The following DLGAP2 variants were observed in gnomAD, a reference collection of about 807,000 sequenced individuals.
DLGAP2 encodes DLG associated protein 2, also known as disks large-associated protein 2.
A neutral mutation model predicts 100.3 loss-of-function variants in DLGAP2; 26 were observed. The observed-to-expected ratio is 0.26, with a 90% confidence interval of 0.19 to 0.36. The LOEUF is 0.36. Among genes scored for constraint, DLGAP2 ranks in the 10% least tolerant of loss-of-function variants. DLGAP2 has a pLI of 1.00. For missense variants in DLGAP2, 1,858 were observed against 1,453.2 expected (o/e 1.28, Z -4.53); for synonymous variants, 886 against 630.1 (o/e 1.41, Z -6.08).
At chr8:1,113,842 A>G (rs1805034957) in intron 2 of DLGAP2, among the ~76,000 whole-genome samples, 1 of 152,176 alleles carries the variant, frequency 6.6e-6, no homozygotes, top group Admixed American at 6.5e-5. Flanking sequence ...GATGTCATAG[A>G]TGGCTCTTAA....
At chr8:1,384,117 A>G (rs755773919) in intron 3 of DLGAP2, among the ~76,000 whole-genome samples, 21 of 152,240 alleles carry the variant, frequency 1.4e-4, no homozygotes, top group Non-Finnish European at 2.5e-4. Context: ...TTAGGTCAGA[A>G]TTCATTAGGT....
intron 6 of DLGAP2, among the ~76,000 whole-genome samples, chr8:1,603,765 T>A (rs1337513140): frequency 6.6e-6 from 1 of 152,184 alleles, no homozygotes; most frequent in Admixed American, 6.5e-5. Flanking sequence ...AGGGATTATT[T>A]ATCTAAGGGA....
At chr8:861,567 G>A (rs1046729317) in intron 1 of DLGAP2, among the ~76,000 whole-genome samples, 22 of 152,222 alleles carry the variant, frequency 1.4e-4, no homozygotes, top group Non-Finnish European at 1.5e-5. Context: ...AAACAGTCAG[G>A]TAGTTTATCC....
At chr8:1,382,882 T>G (rs900317237) in intron 3 of DLGAP2, among the ~76,000 whole-genome samples, 1 of 152,200 alleles carries the variant, frequency 6.6e-6, no homozygotes, top group Non-Finnish European at 1.5e-5. Context: ...TATAGCCAAT[T>G]AAAATTATGG....
chr8:1,178,796 C>G (rs1350638443), intron 2 of DLGAP2, among the ~76,000 whole-genome samples: 2 of 152,194 alleles, frequency 1.3e-5, no homozygotes, highest in Non-Finnish European at 2.9e-5. Flanking sequence ...AGACCCAGGT[C>G]AGCTGTGCCC....
chr8:1,585,103 C>A (rs1387549988), intron 6 of DLGAP2, among the ~76,000 whole-genome samples: 1 of 152,126 alleles, frequency 6.6e-6, no homozygotes, highest in Admixed American at 6.5e-5. Flanking sequence ...CCTGCTACAA[C>A]TGATATTGTT....
Position 1,681,184 on chromosome 8 carries a change from C to G in DLGAP2, c.2704+2555C>G, listed in dbSNP as rs564547676. Among the ~76,000 whole-genome samples, 7 of 152,280 alleles carry G rather than the reference C, an allele frequency of 4.6e-5. 1 individual carries two copies. In the South Asian group the frequency reaches 1.5e-3, roughly 32 times the overall value. On this transcript the variant is annotated intron_variant, in intron 12 of 14. Transcript: ENST00000637795. ...CGGGACACATTCAGAAAGTTGTAGTCTTCTTTGGAAGGTGTAAGACATTGA... is the reference window on the plus strand; with the variant it reads ...CGGGACACATTCAGAAAGTTGTAGTGTTCTTTGGAAGGTGTAAGACATTGA...
intron 2 of DLGAP2, among the ~76,000 whole-genome samples, chr8:1,017,579 C>T (rs1287077746): frequency 8.2e-4 from 99 of 120,274 alleles, no homozygotes; most frequent in South Asian, 1.0e-3. Context: ...CCAGGACAGA[C>T]GACGCCTCCA....
intron 3 of DLGAP2, among the ~76,000 whole-genome samples, chr8:1,313,672 G>A (rs1378368336): frequency 6.6e-6 from 1 of 152,124 alleles, no homozygotes; most frequent in East Asian, 1.9e-4. Flanking sequence ...GATACCTCAA[G>A]TCCCACCTGA....
chr8:1,638,246 AC>A (rs35959127), intron 8 of DLGAP2, among the ~76,000 whole-genome samples: 12 of 152,074 alleles, frequency 7.9e-5, no homozygotes, highest in African/African-American at 2.9e-4. Context: ...TTTCAGACAG[AC>A]CCTTCGAAGA....
chr8:1,456,402 A>T (rs1254286555), intron 3 of DLGAP2, among the ~76,000 whole-genome samples: 2 of 152,172 alleles, frequency 1.3e-5, no homozygotes, highest in Admixed American at 6.5e-5. Context: ...TAAACATCAA[A>T]GCATTTTCAA....
At chr8:914,483 G>C (rs185459260) in intron 2 of DLGAP2, among the ~76,000 whole-genome samples, 1 of 152,030 alleles carries the variant, frequency 6.6e-6, no homozygotes, top group Non-Finnish European at 1.5e-5. Flanking sequence ...TGGGACCACA[G>C]GTCTTTTATT....
At chr8:1,358,293 T>C (rs1480292547) in intron 3 of DLGAP2, among the ~76,000 whole-genome samples, 3 of 152,174 alleles carry the variant, frequency 2.0e-5, no homozygotes, top group African/African-American at 7.2e-5. Flanking sequence ...AACGTCTTCA[T>C]TTCCGATCAG....
At chr8:1,557,301 G>T (rs73546203) in intron 5 of DLGAP2, among the ~76,000 whole-genome samples, 9,177 of 152,100 alleles carry the variant, frequency 0.06, 313 homozygotes, top group South Asian at 0.11. Flanking sequence ...CACAATAGGG[G>T]CTTTCCATGG....
intron 2 of DLGAP2, among the ~76,000 whole-genome samples, chr8:1,213,720 C>T (rs1052175555): frequency 6.6e-6 from 1 of 152,172 alleles, no homozygotes; most frequent in Non-Finnish European, 1.5e-5. Context: ...CCTCTCCCAT[C>T]AGGATGTCGG....
Position 914,256 on chromosome 8 carries a change from C to G in DLGAP2, c.73+6290C>G, listed in dbSNP as rs542404674. ...AGCGAAGGCAGATGCCCCGGAGCCT[C>G]CCCCGTGACCCGCCTCTAATGACCC... is the stretch of plus-strand genomic sequence containing the variant. On this transcript the variant is annotated intron_variant, in intron 2 of 14. Transcript: ENST00000637795. Among the ~76,000 whole-genome samples, 4 of 152,334 alleles carry G rather than the reference C, an allele frequency of 2.6e-5. No homozygotes were observed. In the East Asian group the frequency reaches 5.8e-4, roughly 22 times the overall value.
At chr8:819,406 G>A (rs1054901628) in intron 1 of DLGAP2, among the ~76,000 whole-genome samples, 1 of 152,184 alleles carries the variant, frequency 6.6e-6, no homozygotes, top group Non-Finnish European at 1.5e-5. Flanking sequence ...AACTCAACAG[G>A]TGCAGGAGTA....
At chr8:1,261,479 C>T (rs1415460586) in intron 3 of DLGAP2, among the ~76,000 whole-genome samples, 1 of 151,042 alleles carries the variant, frequency 6.6e-6, no homozygotes, top group East Asian at 2.0e-4. Flanking sequence ...ACGAGACAGA[C>T]TGTACTCCAA....
At chr8:1,315,838 A>T (rs867864298) in intron 3 of DLGAP2, among the ~76,000 whole-genome samples, 9 of 113,086 alleles carry the variant, frequency 8.0e-5, no homozygotes, top group Non-Finnish European at 1.3e-4. Flanking sequence ...GGCAGCGTTT[A>T]AAAATAGAGC....
Sources: allele counts gnomAD v4.1 joint callset (sites outside exome capture counted in the v4.1 genomes callset), GRCh38; gene constraint gnomAD v4.1.1; transcripts MANE v1.5; gene names NCBI Gene and HGNC (gene_info 2026-07-23, HGNC 2026-07-21).